Variants in CDYL observed in about 807,000 individuals in gnomAD.
CDYL encodes chromodomain Y like, also known as chromodomain Y-like protein.
Under a neutral mutation model 47.3 loss-of-function variants are expected in CDYL, and 8 were observed. That is an observed-to-expected ratio of 0.17 (90% CI 0.10 to 0.31). The LOEUF (loss-of-function observed/expected upper bound fraction) is 0.31, where lower values mean the gene tolerates loss of function less well. CDYL is among the 10% of genes least tolerant of loss of function. The pLI, the probability that CDYL is intolerant of heterozygous loss-of-function variation, is 1.00. For missense variants in CDYL, 471 were observed against 701.4 expected (o/e 0.67, Z 3.71); for synonymous variants, 266 against 265.0 (o/e 1.00, Z -0.04).
At chr6:4,894,631 G>A (rs1413876030) in intron 2 of CDYL, among the ~76,000 whole-genome samples, 1 of 151,970 alleles carries the variant, frequency 6.6e-6, no homozygotes, top group Non-Finnish European at 1.5e-5. Flanking sequence ...TGTATTTTTA[G>A]TAGAGACAGG....
At chr6:4,707,969 A>G (rs892131106) in intron 1 of CDYL, among the ~76,000 whole-genome samples, 5 of 152,086 alleles carry the variant, frequency 3.3e-5, no homozygotes, top group Non-Finnish European at 7.4e-5. Context: ...GCAGGACTTT[A>G]TTTTAGCCAT....
intron 2 of CDYL, among the ~76,000 whole-genome samples, chr6:4,905,662 T>G (rs1581253487): frequency 6.6e-6 from 1 of 152,246 alleles, no homozygotes; most frequent in African/African-American, 2.4e-5. Context: ...GTTTAGTGGC[T>G]GGGAGCCACT....
chr6:4,888,191 G>T (rs1355452841), intron 1 of CDYL, among the ~76,000 whole-genome samples: 1 of 152,052 alleles, frequency 6.6e-6, no homozygotes, highest in African/African-American at 2.4e-5. Flanking sequence ...GTAAATAGTG[G>T]CCTCATATAA....
At chr6:4,911,039 C>T (rs59448993) in intron 2 of CDYL, among the ~76,000 whole-genome samples, 5 of 152,088 alleles carry the variant, frequency 3.3e-5, no homozygotes, top group Admixed American at 6.5e-5. Context: ...GGGGTTTCAC[C>T]GTGGTCTCGA....
intron 1 of CDYL, among the ~76,000 whole-genome samples, chr6:4,807,798 G>C (rs1759415083): frequency 1.3e-5 from 2 of 151,642 alleles, no homozygotes; most frequent in African/African-American, 4.8e-5. Flanking sequence ...TAGAGATAGG[G>C]TCTTGCTATG....
chr6:4,709,461 G>C (rs1757109335), intron 1 of CDYL, among the ~76,000 whole-genome samples: 1 of 152,172 alleles, frequency 6.6e-6, no homozygotes, highest in Non-Finnish European at 1.5e-5. Context: ...TTCCCAAAGT[G>C]CTGGGATTAC....
chr6:4,778,146 C>G (rs549026975), intron 1 of CDYL, among the ~76,000 whole-genome samples: 1 of 152,106 alleles, frequency 6.6e-6, no homozygotes, highest in South Asian at 2.1e-4. Flanking sequence ...GAAATGGAGG[C>G]TAGGATGTTT....
At chr6:4,801,929 T>C (rs1561644319) in intron 1 of CDYL, among the ~76,000 whole-genome samples, 1 of 152,242 alleles carries the variant, frequency 6.6e-6, no homozygotes, top group Non-Finnish European at 1.5e-5. Flanking sequence ...ATGTAGTATG[T>C]AGTTCAGCTG....
At chr6:4,820,348 G>T (rs549702147) in intron 1 of CDYL, among the ~76,000 whole-genome samples, 16 of 152,268 alleles carry the variant, frequency 1.1e-4, no homozygotes, top group Admixed American at 5.9e-4. Context: ...CAGCTTCCCT[G>T]ATGTTAGGCT....
chr6:4,931,681 A>T (rs1195126588), intron 2 of CDYL, among the ~76,000 whole-genome samples: 1 of 152,178 alleles, frequency 6.6e-6, no homozygotes, highest in South Asian at 2.1e-4. Context: ...TCAGTGTCAC[A>T]TGCCCTACTC....
At chr6:4,709,894 A>G (rs531348579) in intron 1 of CDYL, among the ~76,000 whole-genome samples, 196 of 152,246 alleles carry the variant, frequency 1.3e-3, no homozygotes, top group Non-Finnish European at 2.4e-3. Context: ...GCTATGTTTC[A>G]TTATTCAAGA....
chr6:4,786,065 A>G (rs563302749), intron 1 of CDYL, among the ~76,000 whole-genome samples: 2 of 152,380 alleles, frequency 1.3e-5, no homozygotes, highest in South Asian at 2.1e-4. Flanking sequence ...GTCTACTTTT[A>G]TGGTAAACTT....
chr6:4,852,385 TCTTCCTTCCTTCCTC>T (rs1305655242), intron 1 of CDYL, among the ~76,000 whole-genome samples: 3,669 of 127,236 alleles, frequency 0.029, 273 homozygotes, highest in African/African-American at 0.12. Context: ...TTCCTTCCTA[TCTTCCTTCCTTCCTC>T]CTTCCTTCCT....
At chr6:4,938,368 G>A (rs938633034) in intron 4 of CDYL, among the ~76,000 whole-genome samples, 2 of 152,016 alleles carry the variant, frequency 1.3e-5, no homozygotes, top group African/African-American at 4.8e-5. Context: ...TCCCCTCAAG[G>A]TATCCAACAT....
intron 1 of CDYL, among the ~76,000 whole-genome samples, chr6:4,808,162 G>A (rs1052142669): frequency 4.6e-5 from 7 of 152,058 alleles, no homozygotes; most frequent in Admixed American, 2.6e-4. Flanking sequence ...ATTGGCAAAC[G>A]GCATTTAGAA....
intron 1 of CDYL, among the ~76,000 whole-genome samples, chr6:4,877,016 C>T (rs1382045976): frequency 6.6e-6 from 1 of 152,200 alleles, no homozygotes; most frequent in African/African-American, 2.4e-5. Flanking sequence ...CGTGAGGGCA[C>T]ATAAAATGTG....
intron 1 of CDYL, chr6:4,715,624 A>G: frequency 1.0e-6 from 1 of 982,698 alleles, no homozygotes; most frequent in Non-Finnish European, 1.5e-6. Context: ...ACAAGCACAA[A>G]ATGCTGGCTC....
At chr6:4,911,425 T>C (rs909338735) in intron 2 of CDYL, among the ~76,000 whole-genome samples, 2 of 152,216 alleles carry the variant, frequency 1.3e-5, no homozygotes, top group Non-Finnish European at 2.9e-5. Flanking sequence ...TGCACGGTAA[T>C]GAGACTTGAA....
At chr6:4,760,372 CAA>C (rs35627666) in intron 3 of CDYL, among the ~76,000 whole-genome samples, 73 of 103,486 alleles carry the variant, frequency 7.1e-4, no homozygotes, top group Non-Finnish European at 7.9e-4. Context: ...CACAGCAATA[CAA>C]AAAAAAAAAA....
Sources: gnomAD v4.1 joint callset for allele counts (sites outside exome capture counted in the v4.1 genomes callset) on GRCh38, gnomAD v4.1.1 for gene constraint, MANE v1.5 for transcripts, NCBI Gene and HGNC (gene_info 2026-07-23, HGNC 2026-07-21) for gene names.